BTBD9: variants seen among roughly 807,000 people sequenced by gnomAD.
BTBD9 encodes BTB domain containing 9, also known as BTB/POZ domain-containing protein 9.
A neutral mutation model predicts 64.3 loss-of-function variants in BTBD9; 49 were observed. That is an observed-to-expected ratio of 0.76 (90% confidence interval 0.61 to 0.97). BTBD9 has a LOEUF of 0.97. Among genes scored for constraint, BTBD9 ranks in the 50% least tolerant of loss-of-function variants. The probability of loss-of-function intolerance (pLI) is 0.00; values close to 1 mark genes in which losing one functional copy is unlikely to be tolerated. For synonymous variants in BTBD9, 260 were observed against 274.7 expected, an observed-to-expected ratio of 0.95 and a Z score of 0.53; for missense variants, 598 against 762.1, an observed-to-expected ratio of 0.78 and a Z score of 2.53.
intron 6 of BTBD9, among the ~76,000 whole-genome samples, chr6:38,496,787 CA>C (rs936732170): frequency 8.6e-5 from 13 of 152,000 alleles, no homozygotes; most frequent in African/African-American, 3.1e-4. Context: ...AATTAAAATG[CA>C]AATGAATGAG....
intron 6 of BTBD9, among the ~76,000 whole-genome samples, chr6:38,352,146 G>A (rs1483466578): frequency 1.3e-5 from 2 of 152,060 alleles, no homozygotes; most frequent in African/African-American, 2.4e-5. Context: ...GGAGGCCAAG[G>A]TGGGAGGATC....
chr6:38,173,631 T>G lies in BTBD9; in HGVS notation c.*1354A>C, dbSNP rs1766881572. The G allele has an allele frequency of 6.6e-6, 1 of 152,278 alleles. No individual in the cohort carries two copies. 9.4% of individuals were successfully genotyped at this position (152,278 alleles called of 1,614,324 possible). ...TTTCTAGAGCGCAGCTGATATGTCT[T>G]TGACACACCTGAAAGGAAACTCCCA... is the stretch of plus-strand genomic sequence containing the variant. On this transcript the variant is annotated 3_prime_UTR_variant, in exon 11 of 11. Coordinates refer to ENST00000481247, the MANE Select transcript of BTBD9 (RefSeq NM_001099272.2).
intron 9 of BTBD9, among the ~76,000 whole-genome samples, chr6:38,245,196 G>C (rs1764142273): frequency 6.6e-6 from 1 of 152,184 alleles, no homozygotes; most frequent in Non-Finnish European, 1.5e-5. Flanking sequence ...TTACCTTCTG[G>C]TGCAAAAGAA....
At chr6:38,465,707 TTATATATATATA>T (rs1157324453) in intron 6 of BTBD9, among the ~76,000 whole-genome samples, 581 of 46,744 alleles carry the variant, frequency 0.012, 6 homozygotes, top group Non-Finnish European at 0.015. Context: ...AATAAATAAA[TTATATATATATA>T]TATATATATA....
At chr6:38,277,970 A>C (rs1475308828) in intron 8 of BTBD9, among the ~76,000 whole-genome samples, 1 of 152,216 alleles carries the variant, frequency 6.6e-6, no homozygotes, top group Non-Finnish European at 1.5e-5. Context: ...TTCTTAGCCA[A>C]CCTTGCTAGG....
intron 4 of BTBD9, among the ~76,000 whole-genome samples, chr6:38,584,775 A>G (rs566068996): frequency 6.6e-6 from 1 of 152,264 alleles, no homozygotes; most frequent in Admixed American, 6.5e-5. Context: ...CTGCAGCATT[A>G]CAAGTGACTT....
At chr6:38,440,850 G>A (rs1427866884) in intron 6 of BTBD9, among the ~76,000 whole-genome samples, 5 of 152,120 alleles carry the variant, frequency 3.3e-5, no homozygotes, top group Admixed American at 1.3e-4. Flanking sequence ...ATATAACACC[G>A]GTCAGGGAGC....
chr6:38,338,912 A>G (rs535794089), intron 7 of BTBD9, among the ~76,000 whole-genome samples: 2 of 152,352 alleles, frequency 1.3e-5, no homozygotes, highest in East Asian at 3.9e-4. Flanking sequence ...TTGCACTGAG[A>G]TACCATTTCT....
rs567879504 is a variant in BTBD9 at position 38,202,094 on chromosome 6, T to G, written c.1563-9497A>C. Among the ~76,000 whole-genome samples, 89 of 149,864 alleles carry G rather than the reference T, an allele frequency of 5.9e-4. No individual in the cohort carries two copies. The East Asian group carries it at 0.01, about 18-fold the overall frequency. Reference sequence around the variant, plus strand: ...AAATGTCGTTTTTTTTGTTTTTTTTTTTTTTTTTTGAGATGGAATCTCGCT... The same window carrying G: ...AAATGTCGTTTTTTTTGTTTTTTTTGTTTTTTTTTGAGATGGAATCTCGCT... On this transcript the variant is annotated intron_variant, in intron 9 of 10. Coordinates refer to ENST00000481247, the MANE Select transcript of BTBD9 (RefSeq NM_001099272.2).
intron 6 of BTBD9, among the ~76,000 whole-genome samples, chr6:38,408,602 C>A (rs1767275592): frequency 6.6e-6 from 1 of 152,110 alleles, no homozygotes; most frequent in South Asian, 2.1e-4. Flanking sequence ...ACTATATTTG[C>A]ATGTTGGCTT....
chr6:38,175,330 G>A, intron 10 of BTBD9, 148 bp from the exon 11 acceptor site: 1 of 738,490 alleles, frequency 1.4e-6, no homozygotes, highest in Non-Finnish European at 2.2e-6. Flanking sequence ...GCCTGCCCCG[G>A]CGCAGACACC....
chr6:38,348,719 A>C (rs1038278691), intron 6 of BTBD9, among the ~76,000 whole-genome samples: 1 of 152,160 alleles, frequency 6.6e-6, no homozygotes, highest in Non-Finnish European at 1.5e-5. Flanking sequence ...ATTTTCTAGG[A>C]GCTATAAGAT....
At chr6:38,330,556 C>T (rs1022211730) in intron 7 of BTBD9, among the ~76,000 whole-genome samples, 2 of 151,894 alleles carry the variant, frequency 1.3e-5, no homozygotes, top group African/African-American at 4.8e-5. Flanking sequence ...ATTAGAGACG[C>T]CATCTCTAAA....
At chr6:38,255,726 T>C (rs1486666561) in intron 9 of BTBD9, among the ~76,000 whole-genome samples, 1 of 152,196 alleles carries the variant, frequency 6.6e-6, no homozygotes, top group Admixed American at 6.5e-5. Context: ...ATATTGACGC[T>C]AGCCCTGAGA....
chr6:38,451,829 C>T lies in BTBD9; in HGVS notation c.1155-106736G>A, dbSNP rs145776872. 4.2e-3 allele frequency among the ~76,000 whole-genome samples: 646 copies of T among 152,150 alleles called. 9 individuals are homozygous for T. Among genetic ancestry groups the T allele is most frequent in the African/African-American group, 0.015 (617 of 41,508 alleles). ...TAATCAAAACCAGTGGTCATTGATC[C>T]TTGGGTTTGCAAAGTTTTAGTTCAT... On this transcript the variant is annotated intron_variant, in intron 6 of 10. Coordinates refer to ENST00000481247, the MANE Select transcript of BTBD9 (RefSeq NM_001099272.2).
At chr6:38,223,676 C>G (rs1763292435) in intron 9 of BTBD9, among the ~76,000 whole-genome samples, 1 of 152,110 alleles carries the variant, frequency 6.6e-6, no homozygotes, top group Non-Finnish European at 1.5e-5. Context: ...CCTCTCTGCT[C>G]AATTCTGCAC....
intron 6 of BTBD9, among the ~76,000 whole-genome samples, chr6:38,377,361 T>C (rs1765731691): frequency 6.6e-6 from 1 of 152,152 alleles, no homozygotes; most frequent in African/African-American, 2.4e-5. Context: ...CAGAATGAAA[T>C]CTTCTCTATT....
intron 8 of BTBD9, among the ~76,000 whole-genome samples, chr6:38,261,415 T>C (rs1314178794): frequency 1.3e-5 from 2 of 152,138 alleles, no homozygotes; most frequent in Admixed American, 6.5e-5. Flanking sequence ...ATATTAACAC[T>C]ACCAGCACTG....
At chr6:38,330,373 C>T (rs569329973) in intron 7 of BTBD9, among the ~76,000 whole-genome samples, 2 of 152,182 alleles carry the variant, frequency 1.3e-5, no homozygotes, top group East Asian at 1.9e-4. Flanking sequence ...TTTAAACTAC[C>T]TTTGCCAACA....
Sources: allele counts gnomAD v4.1 joint callset (sites outside exome capture counted in the v4.1 genomes callset), GRCh38; gene constraint gnomAD v4.1.1; transcripts MANE v1.5; gene names NCBI Gene and HGNC (gene_info 2026-07-23, HGNC 2026-07-21).